CEMIP2: variants seen among roughly 807,000 people sequenced by gnomAD.
CEMIP2 encodes the protein cell migration inducing hyaluronidase 2, also known as cell surface hyaluronidase CEMIP2.
A neutral mutation model predicts 146.9 loss-of-function variants in CEMIP2; 79 were observed. That is an observed-to-expected ratio of 0.54 (90% confidence interval 0.45 to 0.65). CEMIP2 has a LOEUF of 0.65. CEMIP2 is among the 30% of genes least tolerant of loss of function. CEMIP2 has a pLI of 0.00. For synonymous variants in CEMIP2, 601 were observed against 606.3 expected (o/e 0.99, Z 0.13); for missense variants, 1,596 against 1,696.2 (o/e 0.94, Z 1.04).
intron 19 of CEMIP2, among the ~76,000 whole-genome samples, chr9:71,700,338 G>A (rs1822524031): frequency 6.6e-6 from 1 of 152,164 alleles, no homozygotes; most frequent in Admixed American, 6.5e-5. Context: ...ATCATATGAA[G>A]AACATTATTA....
At chr9:71,694,213 C>G (rs1822321238) in intron 21 of CEMIP2, among the ~76,000 whole-genome samples, 1 of 152,048 alleles carries the variant, frequency 6.6e-6, no homozygotes, top group African/African-American at 2.4e-5. Flanking sequence ...GTCTCCGCCT[C>G]CCGGGTTCAG....
intron 13 of CEMIP2, 95 bp downstream of exon 13, chr9:71,717,853 A>T: frequency 8.4e-7 from 1 of 1,191,994 alleles, no homozygotes. Context: ...TGATTCCAAG[A>T]ATCATCACTG....
rs199810085 is a variant in CEMIP2, at chr9:71,712,304, C to A, written c.2592-44G>T. On this transcript the variant is annotated intron_variant, in intron 15 of 23. Coordinates refer to ENST00000377044, the MANE Select transcript of CEMIP2 (RefSeq NM_013390.3). ...TTGTTTAATGCATATGGGCTGTCCC[C>A]TTAGCAGCACTTCACTTACTTGTTT... 4 of 1,562,180 alleles carry A rather than the reference C, an allele frequency of 2.6e-6. No individual in the cohort carries two copies. The East Asian group carries it at 9.0e-5, about 35-fold the overall frequency.
chr9:71,685,192 A>T lies in CEMIP2; in HGVS notation c.*5T>A, dbSNP rs771597855. The T allele has an allele frequency of 3.8e-6, 6 of 1,584,562 alleles. No homozygotes were observed. The Admixed American group carries it at 1.1e-4, about 29-fold the overall frequency. On this transcript the variant is annotated 3_prime_UTR_variant, in exon 24 of 24. Coordinates refer to ENST00000377044, the MANE Select transcript of CEMIP2 (RefSeq NM_013390.3). ...TTCCCCCAGCACTTAAGTTACAGTT[A>T]GTCTCTAATGTGCTTTTGAAGCTTG...
In CEMIP2 at chr9:71,759,696, G is replaced by A. The variant is rs577972479; in HGVS notation, c.-13+8661C>T. Among the ~76,000 whole-genome samples the A allele has an allele frequency of 2.4e-4, 36 of 152,234 alleles. No individual in the cohort carries two copies. The South Asian group carries it at 2.9e-3, about 12-fold the overall frequency. On this transcript the variant is annotated intron_variant, in intron 1 of 23. Transcript: ENST00000377044. ...GTTCTTTTTGGAATTTAAATGATCC[G>A]TGGAGGTAGTCTTTATCTTGAATAG...
At chr9:71,765,781 C>T (rs984245220) in intron 1 of CEMIP2, among the ~76,000 whole-genome samples, 5 of 152,146 alleles carry the variant, frequency 3.3e-5, no homozygotes, top group African/African-American at 1.2e-4. Context: ...TCTCTAGTTG[C>T]AAGTGACACA....
At chr9:71,756,238 GTATA>G (rs10546089) in intron 1 of CEMIP2, among the ~76,000 whole-genome samples, 18,976 of 138,476 alleles carry the variant, frequency 0.14, 1,545 homozygotes, top group Admixed American at 0.19. Flanking sequence ...GTATATAGGT[GTATA>G]TATATATATA....
chr9:71,742,465 C>G (rs1382179745), intron 4 of CEMIP2, among the ~76,000 whole-genome samples: 1 of 152,152 alleles, frequency 6.6e-6, no homozygotes, highest in Non-Finnish European at 1.5e-5. Flanking sequence ...TTTCAGCGCA[C>G]CAGAACATTA....
intron 1 of CEMIP2, among the ~76,000 whole-genome samples, chr9:71,755,961 CAAAA>C (rs55972127): frequency 1.9e-5 from 1 of 52,892 alleles, no homozygotes; most frequent in Non-Finnish European, 3.7e-5. Flanking sequence ...CTCTGTCTCA[CAAAA>C]AAAAAAAAAA....
chr9:71,745,964 A>T (rs1824074884), intron 3 of CEMIP2, among the ~76,000 whole-genome samples: 1 of 152,154 alleles, frequency 6.6e-6, no homozygotes, highest in Non-Finnish European at 1.5e-5. Flanking sequence ...CTTGTCTATA[A>T]ATCAGGGGTC....
At chr9:71,728,199 C>T (rs1823447798) in intron 10 of CEMIP2, among the ~76,000 whole-genome samples, 1 of 18,096 alleles carries the variant, frequency 5.5e-5, no homozygotes, top group African/African-American at 1.4e-4. Flanking sequence ...AACCTTCTCT[C>T]TCTCTCTCTC....
At chr9:71,685,931 G>T in intron 22 of CEMIP2, 85 bp from the exon 23 acceptor site, 3 of 926,142 alleles carry the variant, frequency 3.2e-6, no homozygotes, top group Non-Finnish European at 5.1e-6. Context: ...TGAACTGACT[G>T]CTGAATAGAA....
chr9:71,718,640 A>G (rs1476745867), intron 12 of CEMIP2, among the ~76,000 whole-genome samples: 1 of 151,954 alleles, frequency 6.6e-6, no homozygotes, highest in Non-Finnish European at 1.5e-5. Flanking sequence ...GCAGTGGCGC[A>G]ATCTTGGCTC....
At position 71,718,093 on chromosome 9, in the gene CEMIP2, AAAG is replaced by A; in HGVS notation, c.2268-17_2268-15del. On this transcript the variant is annotated splice_polypyrimidine_tract_variant and intron_variant, in intron 12 of 23. Coordinates refer to ENST00000377044, the MANE Select transcript of CEMIP2 (RefSeq NM_013390.3). ...TGAGGTCGAAATCTAGGGGTTAAAA[AAAG>A]AATTTTAAAAAATATAACATAAAAG... 6.3e-7 allele frequency: 1 copy of A among 1,589,362 alleles called. No homozygotes were observed.
Position 71,704,758 on chromosome 9 carries a change from T to C in CEMIP2, c.3031A>G (p.Thr1011Ala). The C allele has an allele frequency of 6.2e-7, 1 of 1,614,174 alleles. No individual in the cohort carries two copies. The highest frequency in any genetic ancestry group is 8.5e-7 in the Non-Finnish European group (1 of 1,180,032). ...WSTQNLSMTI[T>A]RDEYPSNPMV... is the part of the protein sequence containing the mutation. ...GGGTTGGACGGATACTCATCTCGTG[T>C]AATGGTCATAGAAAGATTCTGAGTG... Residue 1011 changes from threonine to alanine, a missense_variant, in exon 18 of 24, where the codon ACA (threonine) becomes GCA (alanine). Coordinates refer to ENST00000377044, the MANE Select transcript of CEMIP2 (RefSeq NM_013390.3).
In CEMIP2 at chr9:71,750,344, G is replaced by T; in HGVS notation, c.30C>A (p.Ser10=). The T allele has an allele frequency of 6.2e-7, 1 of 1,613,352 alleles. No homozygotes were observed. Among genetic ancestry groups the T allele is most frequent in the Non-Finnish European group, 8.5e-7 (1 of 1,179,744 alleles). The change falls in exon 2 of 24, where the codon TCC becomes TCA. Residue 10 remains serine (S), a synonymous_variant. Coordinates refer to ENST00000377044, the MANE Select transcript of CEMIP2 (RefSeq NM_013390.3). MYATDSRGH[S]PAFLQPQNGN... is the part of the protein sequence containing the mutation. ...CATTCTGAGGTTGGAGGAAAGCAGG[G>T]GAGTGTCCCCTGGAATCAGTGGCAT...
intron 6 of CEMIP2, among the ~76,000 whole-genome samples, chr9:71,734,069 A>G (rs1823695420): frequency 6.6e-6 from 1 of 152,094 alleles, no homozygotes; most frequent in African/African-American, 2.4e-5. Context: ...GCCGGTCTCA[A>G]ATGCCTAACC....
At position 71,690,261 on chromosome 9, in the gene CEMIP2, A is replaced by C; in HGVS notation, c.3697-15T>G. ...GTGCCATTGACCTGAGAATGCAAAA[A>C]CATCTTCTGCTGTCATCATCATTTT... On this transcript the variant is annotated splice_polypyrimidine_tract_variant and intron_variant, in intron 21 of 23. Transcript: ENST00000377044. The C allele has an allele frequency of 6.2e-7, 1 of 1,612,500 alleles. No homozygotes were observed. Among genetic ancestry groups the C allele is most frequent in the Non-Finnish European group, 8.5e-7 (1 of 1,178,970 alleles).
rs1197003013 is a variant in CEMIP2, at chr9:71,690,023, C to G, written c.3851+69G>C. 143 of 1,565,000 alleles carry G rather than the reference C, an allele frequency of 9.1e-5. 2 individuals carry two copies. In the South Asian group the frequency reaches 1.5e-3, roughly 17 times the overall value. On this transcript the variant is annotated intron_variant, in intron 22 of 23. Transcript: ENST00000377044. ...GAGTAAAAAATCGGACTTGACCAGG[C>G]ATTATCAGTTTGGAGCACTCCACAT...
Sources: gnomAD v4.1 joint callset for allele counts (sites outside exome capture counted in the v4.1 genomes callset) on GRCh38, gnomAD v4.1.1 for gene constraint, MANE v1.5 for transcripts, NCBI Gene and HGNC (gene_info 2026-07-23, HGNC 2026-07-21) for gene names.